The following TENM2 variants were observed in gnomAD, a reference collection of about 807,000 sequenced individuals.
TENM2 encodes the protein teneurin-2.
TENM2 carries 52 observed loss-of-function variants against 245.2 expected under a neutral mutation model. The ratio of observed to expected loss-of-function variants is 0.21; its 90% CI spans 0.17 to 0.27. The LOEUF is 0.27. Ranked by LOEUF, TENM2 falls within the 10% of genes least tolerant of loss-of-function variation. The probability of loss-of-function intolerance (pLI) is 1.00; values close to 1 mark genes in which losing one functional copy is unlikely to be tolerated. For synonymous variants in TENM2, 1,363 were observed against 1,438.9 expected, an observed-to-expected ratio of 0.95 and a Z score of 1.19; for missense variants, 3,046 against 3,666.8, an observed-to-expected ratio of 0.83 and a Z score of 4.37.
chr5:168,201,892 A>G (rs150330275), intron 17 of TENM2, among the ~76,000 whole-genome samples: 27 of 152,296 alleles, frequency 1.8e-4, no homozygotes, highest in Non-Finnish European at 2.5e-4. Context: ...CTCGAATTGC[A>G]TAATTACGGC....
intron 10 of TENM2, among the ~76,000 whole-genome samples, chr5:168,123,356 A>C (rs898108182): frequency 1.3e-5 from 2 of 152,182 alleles, no homozygotes; most frequent in Admixed American, 1.3e-4. Context: ...GGAAAGAAAA[A>C]AAGACACTCA....
intron 2 of TENM2, among the ~76,000 whole-genome samples, chr5:167,550,227 T>G (rs956806185): frequency 6.6e-6 from 1 of 152,146 alleles, no homozygotes; most frequent in Non-Finnish European, 1.5e-5. Context: ...TATGGTGCAG[T>G]GAATATACCT....
chr5:167,208,703 C>T, the TENM2 span, among the ~76,000 whole-genome samples: 1 of 152,154 alleles, frequency 6.6e-6, no homozygotes, highest in Non-Finnish European at 1.5e-5. Context: ...CTTCTTAAGA[C>T]GATGTCATTT....
intron 2 of TENM2, among the ~76,000 whole-genome samples, chr5:167,675,424 T>G (rs778816514): frequency 2.0e-5 from 3 of 152,118 alleles, no homozygotes; most frequent in Non-Finnish European, 4.4e-5. Context: ...CCACAGTACA[T>G]TTTTGTACCA....
chr5:168,221,772 GT>G (rs1482174001), intron 23 of TENM2, among the ~76,000 whole-genome samples: 1 of 152,112 alleles, frequency 6.6e-6, no homozygotes, highest in Non-Finnish European at 1.5e-5. Flanking sequence ...GGGAACTCAG[GT>G]TTTCACAGTC....
intron 2 of TENM2, among the ~76,000 whole-genome samples, chr5:167,583,265 C>A (rs1432812569): frequency 1.3e-5 from 2 of 152,264 alleles, no homozygotes; most frequent in African/African-American, 4.8e-5. Flanking sequence ...ACATTAATAT[C>A]GCTCACACTT....
chr5:167,064,440 G>A, the TENM2 span, among the ~76,000 whole-genome samples: 1 of 152,184 alleles, frequency 6.6e-6, no homozygotes, highest in Non-Finnish European at 1.5e-5. Context: ...AACGAGAGTC[G>A]TGCCAAAAGC....
chr5:167,159,996 C>T, the TENM2 span, among the ~76,000 whole-genome samples: 1 of 152,164 alleles, frequency 6.6e-6, no homozygotes, highest in Non-Finnish European at 1.5e-5. Context: ...GAAGTCAATC[C>T]AGACATATGG....
chr5:168,176,499 C>T (rs537229039), intron 13 of TENM2, among the ~76,000 whole-genome samples: 24 of 152,322 alleles, frequency 1.6e-4, no homozygotes, highest in African/African-American at 5.5e-4. Context: ...GTTTAGGTTT[C>T]TACACGAACA....
At chr5:167,160,282 G>A in the TENM2 span, among the ~76,000 whole-genome samples, 3 of 152,204 alleles carry the variant, frequency 2.0e-5, no homozygotes, top group African/African-American at 7.2e-5. Context: ...TTAAAGTCCA[G>A]ACTCCTTTGC....
chr5:168,062,171 G>C (rs1237942136), exon 7 of TENM2: 1 of 1,613,650 alleles, frequency 6.2e-7, no homozygotes, highest in Non-Finnish European at 8.5e-7. Flanking sequence ...ATTCACATCA[G>C]TCAGCCCCAG....
At chr5:167,909,305 T>C (rs1280027240) in intron 3 of TENM2, among the ~76,000 whole-genome samples, 11 of 152,212 alleles carry the variant, frequency 7.2e-5, no homozygotes, top group African/African-American at 2.4e-4. Context: ...TTTCACGGTA[T>C]TAACTACATT....
the TENM2 span, among the ~76,000 whole-genome samples, chr5:167,072,035 T>G: frequency 6.6e-6 from 1 of 151,950 alleles, no homozygotes; most frequent in Non-Finnish European, 1.5e-5. Flanking sequence ...TGCTTGACCT[T>G]GTAAGGAGGG....
chr5:167,281,765 G>A (rs1041986675), upstream of TENM2, among the ~76,000 whole-genome samples: 5 of 152,052 alleles, frequency 3.3e-5, no homozygotes, highest in African/African-American at 4.8e-5. Context: ...TTGGGAGGCC[G>A]AGGCGAGCAG....
intron 2 of TENM2, among the ~76,000 whole-genome samples, chr5:167,539,658 A>G (rs1772070895): frequency 6.6e-6 from 1 of 152,210 alleles, no homozygotes; most frequent in Non-Finnish European, 1.5e-5. Flanking sequence ...AAAGTGATTT[A>G]TGAAATATGA....
At chr5:167,598,012 A>G (rs996865204) in intron 2 of TENM2, among the ~76,000 whole-genome samples, 1 of 152,178 alleles carries the variant, frequency 6.6e-6, no homozygotes, top group African/African-American at 2.4e-5. Flanking sequence ...CCCACATTCC[A>G]TGAGTTTAGC....
At chr5:168,135,285 A>AG (rs111656480) in intron 12 of TENM2, among the ~76,000 whole-genome samples, 5,213 of 152,294 alleles carry the variant, frequency 0.034, 279 homozygotes, top group African/African-American at 0.12. Flanking sequence ...GCAGCCACAC[A>AG]GATATCCCAG....
At chr5:168,074,599 C>G (rs926608256) in intron 7 of TENM2, among the ~76,000 whole-genome samples, 2 of 148 alleles carry the variant, frequency 0.014, no homozygotes, top group African/African-American at 0.059. Flanking sequence ...AAACAGCTGA[C>G]AGAAGATCAT....
At chr5:167,016,066 A>G in the TENM2 span, among the ~76,000 whole-genome samples, 186 of 152,068 alleles carry the variant, frequency 1.2e-3, 1 homozygote, top group East Asian at 0.011. Context: ...CATCCTAGCT[A>G]ACACGATGAA....
Sources: allele counts gnomAD v4.1 joint callset (sites outside exome capture counted in the v4.1 genomes callset), GRCh38; gene constraint gnomAD v4.1.1; transcripts MANE v1.5; gene names NCBI Gene and HGNC (gene_info 2026-07-23, HGNC 2026-07-21).